Variants in NSD2 observed in about 807,000 individuals in gnomAD.
NSD2 encodes the protein histone-lysine N-methyltransferase NSD2.
A neutral mutation model predicts 139.0 loss-of-function variants in NSD2; 12 were observed. The ratio of observed to expected loss-of-function variants is 0.09; its 90% CI spans 0.06 to 0.14. The LOEUF is 0.14. Among genes scored for constraint, NSD2 ranks in the 10% least tolerant of loss-of-function variants. The pLI, the probability that NSD2 is intolerant of heterozygous loss-of-function variation, is 1.00. For missense variants in NSD2, 1,155 were observed against 1,745.0 expected (o/e 0.66, Z 6.02); for synonymous variants, 669 against 648.7 (o/e 1.03, Z -0.48).
chr4:1,921,492 T>A (rs1047892844), intron 5 of NSD2, among the ~76,000 whole-genome samples: 1 of 148,992 alleles, frequency 6.7e-6, no homozygotes. Context: ...TTTAAAATCA[T>A]GAACGAGGGC....
At chr4:1,875,805 A>T (rs1577345890) in intron 1 of NSD2, among the ~76,000 whole-genome samples, 1 of 150,682 alleles carries the variant, frequency 6.6e-6, no homozygotes, top group Non-Finnish European at 1.5e-5. Context: ...GCTACTCGGG[A>T]GGCTGAGGCA....
chr4:1,959,754 T>C lies in NSD2; in HGVS notation c.3255+14T>C. 6.2e-7 allele frequency: 1 copy of C among 1,606,622 alleles called. No individual in the cohort carries two copies. Among genetic ancestry groups the C allele is most frequent in the Non-Finnish European group, 8.5e-7 (1 of 1,173,570 alleles). ...GACATCAGAAAGGTATGTGTCGTTA[T>C]CCCCTCCCCTGCTTTTGAGAAATTA... On this transcript the variant is annotated intron_variant, in intron 17 of 21. Coordinates refer to ENST00000508803, the MANE Select transcript of NSD2 (RefSeq NM_001042424.3).
In NSD2 at chr4:1,977,334, C is replaced by T. The variant is rs574148650; in HGVS notation, c.3826+655C>T. 4.6e-5 allele frequency among the ~76,000 whole-genome samples: 7 copies of T among 152,346 alleles called. 1 individual carries two copies. The East Asian group carries it at 7.7e-4, about 17-fold the overall frequency. Reference sequence around the variant, plus strand: ...TGATGAGACAGTCTGAGAAATGGGTCGTGAGATGACTCTGGCGGTGCGCAG... The same window carrying T: ...TGATGAGACAGTCTGAGAAATGGGTTGTGAGATGACTCTGGCGGTGCGCAG... On this transcript the variant is annotated intron_variant, in intron 21 of 21. Transcript: ENST00000508803.
At chr4:1,932,373 A>T (rs1373344099) in intron 6 of NSD2, among the ~76,000 whole-genome samples, 1 of 143,530 alleles carries the variant, frequency 7.0e-6, no homozygotes, top group Non-Finnish European at 1.5e-5. Flanking sequence ...CGGGAGGCAG[A>T]GGTTGCAGTG....
chr4:1,975,852 A>G (rs1727018921), intron 20 of NSD2, among the ~76,000 whole-genome samples: 1 of 152,192 alleles, frequency 6.6e-6, no homozygotes, highest in Non-Finnish European at 1.5e-5. Context: ...CTGCCCTGCT[A>G]CCGTGTGACC....
At chr4:1,939,812 T>G (rs752099397) in intron 9 of NSD2, 34 bp downstream of exon 9, 2 of 1,613,956 alleles carry the variant, frequency 1.2e-6, no homozygotes, top group African/African-American at 2.7e-5. Context: ...ACCATGGCAT[T>G]GGTATGAAGG....
At chr4:1,901,835 G>T (rs1366558001) in intron 2 of NSD2, among the ~76,000 whole-genome samples, 11 of 152,226 alleles carry the variant, frequency 7.2e-5, no homozygotes, top group Admixed American at 7.2e-4. Context: ...TCCTGTTCTT[G>T]GTTCCCAGTG....
At chr4:1,940,383 AAAAT>A in intron 9 of NSD2, 1 of 1,063,940 alleles carries the variant, frequency 9.4e-7, no homozygotes, top group Non-Finnish European at 1.1e-6. Context: ...ACATGATAGC[AAAAT>A]AAAGCCATTT....
At chr4:1,932,607 G>A (rs1436251870) in intron 6 of NSD2, among the ~76,000 whole-genome samples, 1 of 150,892 alleles carries the variant, frequency 6.6e-6, no homozygotes, top group Non-Finnish European at 1.5e-5. Context: ...TTAGCCAGGC[G>A]TGGTGGCACA....
At position 1,981,664 on chromosome 4, in the gene NSD2, G is replaced by A. The variant is rs753418501; in HGVS notation, c.*2755G>A. 1.5e-5 allele frequency: 6 copies of A among 392,208 alleles called. No individual in the cohort carries two copies. The highest frequency in any genetic ancestry group is 1.4e-4 in the South Asian group (1 of 6,956). The allele number at this position is 392,208 out of a possible 1,614,324, so 24.3% of individuals were successfully genotyped here. A position where few individuals can be genotyped will look rare whatever the true frequency, so the allele number is the denominator to read the frequency against. On this transcript the variant is annotated 3_prime_UTR_variant, in exon 22 of 22. Transcript: ENST00000508803. ...GCCGGCCTTTCTTCCGGCGACACCC[G>A]TCCATGGCTGGCTGGGTCCCCTTCG...
At chr4:1,885,570 T>C (rs1560555956) in intron 1 of NSD2, among the ~76,000 whole-genome samples, 1 of 152,206 alleles carries the variant, frequency 6.6e-6, no homozygotes, top group East Asian at 1.9e-4. Flanking sequence ...TCTGCATTTC[T>C]GCCTCTGGGG....
intron 21 of NSD2, among the ~76,000 whole-genome samples, 184 bp from the exon 22 acceptor site, chr4:1,978,454 A>G (rs1052448549): frequency 5.9e-5 from 9 of 152,190 alleles, no homozygotes; most frequent in Non-Finnish European, 5.9e-5. Flanking sequence ...CTGTGGAGTC[A>G]ACAGGCCCTG....
intron 5 of NSD2, among the ~76,000 whole-genome samples, chr4:1,920,292 A>G (rs1188148873): frequency 1.3e-5 from 2 of 152,112 alleles, no homozygotes; most frequent in East Asian, 3.9e-4. Flanking sequence ...TCTACTAAAA[A>G]TACAAGAATT....
At chr4:1,878,371 G>A (rs1016403964) in intron 1 of NSD2, among the ~76,000 whole-genome samples, 3 of 146,006 alleles carry the variant, frequency 2.1e-5, no homozygotes, top group Non-Finnish European at 4.5e-5. Context: ...GCCTCCCAAA[G>A]TGTTCGGATT....
At position 1,974,813 on chromosome 4, in the gene NSD2, A is replaced by G. The variant is rs2109020126; in HGVS notation, c.3373-50A>G. On this transcript the variant is annotated intron_variant, in intron 18 of 21. Coordinates refer to ENST00000508803, the MANE Select transcript of NSD2 (RefSeq NM_001042424.3). This position sits in a 1 kb window ranked among gnomAD's most constrained non-coding sequence, Gnocchi z 4.0. Reference sequence around the variant, plus strand: ...ATGATGGTGAAAATTCCCTTTAAAAATAACATGCGATTGCTAACACTTGAC... The same window carrying G: ...ATGATGGTGAAAATTCCCTTTAAAAGTAACATGCGATTGCTAACACTTGAC... 3 of 1,609,860 alleles carry G rather than the reference A, an allele frequency of 1.9e-6. No individual in the cohort carries two copies. The highest frequency in any genetic ancestry group is 2.6e-6 in the Non-Finnish European group (3 of 1,176,428).
At chr4:1,946,693 T>C (rs1723670916) in intron 9 of NSD2, 2 of 1,041,428 alleles carry the variant, frequency 1.9e-6, no homozygotes, top group Non-Finnish European at 2.3e-6. Context: ...AAATTACCAC[T>C]AATTTACCTG....
At position 1,975,013 on chromosome 4, in the gene NSD2, T is replaced by C. The variant is rs762637363; in HGVS notation, c.3514+9T>C. ...CTGTGACATTCCTGCAGGTACAAGC[T>C]CTGGGGACCCTGCATGGGGCTCCTG... On this transcript the variant is annotated intron_variant, in intron 19 of 21. Coordinates refer to ENST00000508803, the MANE Select transcript of NSD2 (RefSeq NM_001042424.3). 1.9e-6 allele frequency: 3 copies of C among 1,613,928 alleles called. No homozygotes were observed. The highest frequency in any genetic ancestry group is 4.5e-5 in the East Asian group (2 of 44,876).
At chr4:1,874,186 C>T (rs1256358843) in intron 1 of NSD2, among the ~76,000 whole-genome samples, 9 of 152,212 alleles carry the variant, frequency 5.9e-5, no homozygotes, top group Non-Finnish European at 1.0e-4. Flanking sequence ...GTGGGCTGCT[C>T]ATGGCCATAG....
Position 1,956,285 on chromosome 4 carries a change from T to C in NSD2, c.2881+97T>C. On this transcript the variant is annotated intron_variant, in intron 15 of 21. Coordinates refer to ENST00000508803, the MANE Select transcript of NSD2 (RefSeq NM_001042424.3). The surrounding 1 kb of genome is among the most constrained non-coding windows in gnomAD (Gnocchi z 5.3). The stretch of plus-strand genomic sequence containing the variant: ...AAAATTTGATCTTTATAGAAAATAC[T>C]GGACTAAGCATTCAATCTGTTTTTT... The C allele has an allele frequency of 1.9e-6, 2 of 1,078,480 alleles. No individual in the cohort carries two copies. Among genetic ancestry groups the C allele is most frequent in the Non-Finnish European group, 2.6e-6 (2 of 775,914 alleles). 66.8% of individuals were successfully genotyped at this position (1,078,480 alleles called of 1,614,324 possible).
Sources: allele counts gnomAD v4.1 joint callset (sites outside exome capture counted in the v4.1 genomes callset), GRCh38; gene constraint gnomAD v4.1.1; non-coding constraint Gnocchi (gnomAD v3.1); transcripts MANE v1.5; gene names NCBI Gene and HGNC (gene_info 2026-07-23, HGNC 2026-07-21).